The following PVT1 variants were observed in gnomAD, a reference collection of about 807,000 sequenced individuals.
PVT1 encodes the protein Pvt1 oncogene, also known as CXCR4/PVT1 fusion.
chr8:128,042,186 A>T (rs61438932), intron 4 of PVT1, among the ~76,000 whole-genome samples: 4,185 of 152,304 alleles, frequency 0.027, 190 homozygotes, highest in African/African-American at 0.094. Context: ...GGTTGGTGTG[A>T]ATAATGTGAA....
intron 4 of PVT1, among the ~76,000 whole-genome samples, chr8:128,064,973 T>C (rs1212268226): frequency 6.6e-6 from 1 of 152,202 alleles, no homozygotes; most frequent in African/African-American, 2.4e-5. Context: ...GATTTCTTGC[T>C]TGTAGCATTT....
At chr8:127,882,141 T>C (rs1285611489) in intron 2 of PVT1, among the ~76,000 whole-genome samples, 1 of 152,220 alleles carries the variant, frequency 6.6e-6, no homozygotes, top group Non-Finnish European at 1.5e-5. Flanking sequence ...ATTCACACCT[T>C]GGTTCCTGTG....
intron 2 of PVT1, among the ~76,000 whole-genome samples, chr8:127,853,772 C>T (rs1445365821): frequency 6.7e-6 from 1 of 149,854 alleles, no homozygotes; most frequent in African/African-American, 2.5e-5. Context: ...AAACAAAAAA[C>T]AAGAAACAAA....
intron 2 of PVT1, among the ~76,000 whole-genome samples, chr8:127,825,978 G>GT (rs1814783320): frequency 6.9e-6 from 1 of 144,732 alleles, no homozygotes; most frequent in African/African-American, 2.6e-5. Flanking sequence ...AGCCTCCTCA[G>GT]TTGCTGGGAC....
At chr8:127,887,125 G>C (rs1054077026) in intron 2 of PVT1, among the ~76,000 whole-genome samples, 2 of 152,186 alleles carry the variant, frequency 1.3e-5, no homozygotes, top group African/African-American at 4.8e-5. Context: ...TTTGTACACA[G>C]AATTTGAACT....
intron 4 of PVT1, among the ~76,000 whole-genome samples, chr8:128,010,014 T>C (rs952193030): frequency 6.6e-6 from 1 of 152,104 alleles, no homozygotes; most frequent in Non-Finnish European, 1.5e-5. Context: ...TAGAATAGAT[T>C]GACAAGAACC....
chr8:128,062,527 T>A (rs1029005661), intron 4 of PVT1, among the ~76,000 whole-genome samples: 2 of 152,158 alleles, frequency 1.3e-5, no homozygotes, highest in African/African-American at 4.8e-5. Context: ...AGGTGAGAAC[T>A]GGGCAAGCAA....
At chr8:127,977,717 G>C (rs1057437642) in intron 3 of PVT1, among the ~76,000 whole-genome samples, 2 of 137,490 alleles carry the variant, frequency 1.5e-5, no homozygotes, top group Admixed American at 1.6e-4. Flanking sequence ...CCTCGGCAAC[G>C]AAGCCAGACT....
chr8:127,807,417 T>A (rs1814540314), intron 2 of PVT1, among the ~76,000 whole-genome samples: 1 of 152,230 alleles, frequency 6.6e-6, no homozygotes, highest in African/African-American at 2.4e-5. Flanking sequence ...CACTGCAGCC[T>A]CTACTTTCCA....
intron 4 of PVT1, among the ~76,000 whole-genome samples, chr8:128,007,667 T>C (rs990556566): frequency 6.6e-6 from 1 of 152,234 alleles, no homozygotes; most frequent in Non-Finnish European, 1.5e-5. Context: ...GTTTGGAAGG[T>C]ATGAGACACC....
chr8:127,919,578 C>T (rs1007107820), intron 3 of PVT1, among the ~76,000 whole-genome samples: 1 of 152,210 alleles, frequency 6.6e-6, no homozygotes, highest in African/African-American at 2.4e-5. Context: ...CCCACTCCGG[C>T]TCTATTGGCG....
intron 2 of PVT1, among the ~76,000 whole-genome samples, chr8:127,865,981 C>T (rs1343268044): frequency 6.6e-6 from 1 of 152,174 alleles, no homozygotes; most frequent in East Asian, 1.9e-4. Context: ...GCAGGGTTTG[C>T]AGATCAGCGA....
chr8:127,850,851 T>C (rs1378190750), intron 2 of PVT1, among the ~76,000 whole-genome samples: 1 of 151,972 alleles, frequency 6.6e-6, no homozygotes, highest in Non-Finnish European at 1.5e-5. Flanking sequence ...AAACCCCGCC[T>C]CTACTAAAAA....
chr8:127,877,598 A>G (rs750210812), intron 2 of PVT1, among the ~76,000 whole-genome samples: 5 of 152,156 alleles, frequency 3.3e-5, no homozygotes, highest in African/African-American at 4.8e-5. Flanking sequence ...GTTTAGGATA[A>G]CATTTTGACT....
chr8:127,801,019 C>T (rs1483473013), intron 2 of PVT1, among the ~76,000 whole-genome samples: 2 of 152,022 alleles, frequency 1.3e-5, no homozygotes, highest in African/African-American at 2.4e-5. Flanking sequence ...GAAGGACAGG[C>T]GTTTCAGGCT....
At chr8:127,944,921 C>G (rs1391423685) in intron 3 of PVT1, among the ~76,000 whole-genome samples, 1 of 152,136 alleles carries the variant, frequency 6.6e-6, no homozygotes, top group African/African-American at 2.4e-5. Flanking sequence ...GGTCCAGGCC[C>G]GATTGTAATG....
intron 4 of PVT1, among the ~76,000 whole-genome samples, chr8:128,063,198 T>C (rs757843042): frequency 2.6e-5 from 4 of 152,176 alleles, no homozygotes; most frequent in Non-Finnish European, 5.9e-5. Flanking sequence ...AGGTTTCATC[T>C]GTAATCGTTG....
At chr8:127,807,892 C>T (rs1486204916) in intron 2 of PVT1, among the ~76,000 whole-genome samples, 1 of 151,806 alleles carries the variant, frequency 6.6e-6, no homozygotes, top group African/African-American at 2.4e-5. Context: ...CTCAGCCTCC[C>T]GAGTAGCTGG....
intron 3 of PVT1, among the ~76,000 whole-genome samples, chr8:127,922,592 G>C (rs1214547699): frequency 1.3e-5 from 2 of 152,146 alleles, no homozygotes; most frequent in Non-Finnish European, 2.9e-5. Context: ...GCATTCATTA[G>C]GGGTTTCTTT....
Sources: gnomAD v4.1 joint callset for allele counts (sites outside exome capture counted in the v4.1 genomes callset) on GRCh38, gnomAD v4.1.1 for gene constraint, MANE v1.5 for transcripts, NCBI Gene and HGNC (gene_info 2026-07-23, HGNC 2026-07-21) for gene names.